Variants in PPM1L observed in about 807,000 individuals in gnomAD.
The protein encoded by PPM1L is protein phosphatase, Mg2+/Mn2+ dependent 1L, also known as protein phosphatase 1L.
PPM1L carries 13 observed loss-of-function variants against 31.4 expected under a neutral mutation model. The ratio of observed to expected loss-of-function variants is 0.41; its 90% CI spans 0.27 to 0.66. The LOEUF (loss-of-function observed/expected upper bound fraction) is 0.66, where lower values mean the gene tolerates loss of function less well. Among genes scored for constraint, PPM1L ranks in the 30% least tolerant of loss-of-function variants. The pLI is 0.29. For synonymous variants in PPM1L, 184 were observed against 175.4 expected, an observed-to-expected ratio of 1.05 and a Z score of -0.39; for missense variants, 326 against 453.7, an observed-to-expected ratio of 0.72 and a Z score of 2.56.
At chr3:161,040,886 C>T (rs919664689) in intron 2 of PPM1L, among the ~76,000 whole-genome samples, 2 of 152,130 alleles carry the variant, frequency 1.3e-5, no homozygotes, top group African/African-American at 2.4e-5. Flanking sequence ...TGTTTATTTG[C>T]CGTATCTTGA....
intron 2 of PPM1L, among the ~76,000 whole-genome samples, chr3:160,985,676 T>C (rs943031756): frequency 1.6e-4 from 24 of 152,322 alleles, no homozygotes; most frequent in Non-Finnish European, 8.8e-5. Flanking sequence ...TGGTGATTTG[T>C]TTTCCTTGAA....
At chr3:160,907,010 A>G (rs535657542) in intron 1 of PPM1L, among the ~76,000 whole-genome samples, 2 of 152,362 alleles carry the variant, frequency 1.3e-5, no homozygotes, top group East Asian at 3.9e-4. Context: ...TATTTGTTAG[A>G]GGCAAGTCAC....
chr3:160,958,013 T>C (rs953463848), intron 1 of PPM1L, among the ~76,000 whole-genome samples: 2 of 152,228 alleles, frequency 1.3e-5, no homozygotes, highest in African/African-American at 4.8e-5. Context: ...GGGTTGTCTT[T>C]TTCTTGTAAA....
chr3:160,986,928 A>G (rs1283526743), intron 2 of PPM1L, among the ~76,000 whole-genome samples: 1 of 152,232 alleles, frequency 6.6e-6, no homozygotes, highest in Non-Finnish European at 1.5e-5. Context: ...TACAGTTACT[A>G]ATAAATAGTC....
At chr3:161,064,415 TA>T (rs983382668) in intron 2 of PPM1L, among the ~76,000 whole-genome samples, 1 of 151,906 alleles carries the variant, frequency 6.6e-6, no homozygotes, top group African/African-American at 2.4e-5. Flanking sequence ...CCATGAAAAC[TA>T]AAGAGCCATT....
chr3:161,014,849 G>A (rs1718027783), intron 2 of PPM1L, among the ~76,000 whole-genome samples: 1 of 152,046 alleles, frequency 6.6e-6, no homozygotes, highest in African/African-American at 2.4e-5. Context: ...TTTTGGTTTG[G>A]GATATTTGGG....
rs1027874558 is a variant in PPM1L at position 160,756,247 on chromosome 3, C to T, written c.-62C>T. 1.3e-6 allele frequency: 2 copies of T among 1,552,234 alleles called. No individual in the cohort carries two copies. Among genetic ancestry groups the T allele is most frequent in the African/African-American group, 1.4e-5 (1 of 73,994 alleles). On this transcript the variant is annotated 5_prime_UTR_variant, in exon 1 of 4. Coordinates refer to ENST00000498165, the MANE Select transcript of PPM1L (RefSeq NM_139245.4). This position sits in a 1 kb window ranked among gnomAD's most constrained non-coding sequence, Gnocchi z 6.2. The stretch of plus-strand genomic sequence containing the variant: ...CGGCGGGCTGTCCCCGCAGTGCTCC[C>T]GGACCCGGCGAGCCTTCGGGGCGCG...
intron 2 of PPM1L, among the ~76,000 whole-genome samples, chr3:161,045,839 TG>T (rs1024968299): frequency 4.6e-5 from 7 of 151,796 alleles, no homozygotes; most frequent in African/African-American, 1.7e-4. Flanking sequence ...GGGCCAGGCG[TG>T]GTGGCTCATG....
At chr3:161,051,431 C>T (rs886921017) in intron 2 of PPM1L, among the ~76,000 whole-genome samples, 3 of 151,768 alleles carry the variant, frequency 2.0e-5, no homozygotes, top group African/African-American at 7.3e-5. Flanking sequence ...TTATTAAATA[C>T]AGGAGATAGA....
chr3:160,955,539 A>C (rs143015101), intron 1 of PPM1L, among the ~76,000 whole-genome samples: 1,820 of 152,140 alleles, frequency 0.012, 20 homozygotes, highest in Non-Finnish European at 0.018. Flanking sequence ...TTTTGTTTGC[A>C]TATTAAAATT....
chr3:160,811,341 C>A (rs573065407), intron 1 of PPM1L, among the ~76,000 whole-genome samples: 1 of 152,238 alleles, frequency 6.6e-6, no homozygotes, highest in South Asian at 2.1e-4. Flanking sequence ...CAGTCCTCAT[C>A]CATCAGAATC....
chr3:160,763,776 T>C (rs1715031265), intron 1 of PPM1L, among the ~76,000 whole-genome samples: 1 of 152,040 alleles, frequency 6.6e-6, no homozygotes, highest in Non-Finnish European at 1.5e-5. Context: ...AGAGGGTCAA[T>C]TGGGAAGCTT....
chr3:160,798,522 C>G (rs575424068), intron 1 of PPM1L, among the ~76,000 whole-genome samples: 19 of 152,252 alleles, frequency 1.2e-4, no homozygotes, highest in African/African-American at 4.6e-4. Context: ...AATGGAACAA[C>G]AAAGCTTGGA....
intron 2 of PPM1L, among the ~76,000 whole-genome samples, chr3:161,026,902 G>C (rs1219036957): frequency 6.6e-6 from 1 of 152,154 alleles, no homozygotes; most frequent in African/African-American, 2.4e-5. Context: ...TTTTAAGGTG[G>C]AGAAATAGCA....
chr3:161,037,999 C>T (rs867044648), intron 2 of PPM1L, among the ~76,000 whole-genome samples: 2 of 151,734 alleles, frequency 1.3e-5, no homozygotes, highest in African/African-American at 4.8e-5. Flanking sequence ...TTTGGGAGGC[C>T]GAGGCGGGCG....
At chr3:161,067,910 C>T (rs755655168) in intron 3 of PPM1L, among the ~76,000 whole-genome samples, 19 of 152,200 alleles carry the variant, frequency 1.2e-4, no homozygotes, top group Non-Finnish European at 2.4e-4. Flanking sequence ...ACACTGGTCT[C>T]GCCCTGAAGA....
chr3:160,843,460 A>ATATATATC (rs1713968024), intron 1 of PPM1L, among the ~76,000 whole-genome samples: 1 of 116,750 alleles, frequency 8.6e-6, no homozygotes, highest in Non-Finnish European at 1.8e-5. Flanking sequence ...ATATATATAT[A>ATATATATC]TATATATATG....
chr3:160,773,880 T>A (rs1469211105), intron 1 of PPM1L, among the ~76,000 whole-genome samples: 1 of 152,114 alleles, frequency 6.6e-6, no homozygotes, highest in Non-Finnish European at 1.5e-5. Flanking sequence ...ACACCACCTA[T>A]GTTTCTCTGC....
intron 2 of PPM1L, among the ~76,000 whole-genome samples, chr3:161,044,346 GTATTTATTTATTTATTTATT>G (rs66461506): frequency 6.3e-5 from 9 of 143,268 alleles, no homozygotes; most frequent in Non-Finnish European, 1.1e-4. Context: ...GGCCTGCCCT[GTATTTATTTATTTATTTATT>G]TATTTATTTA....
Sources: gnomAD v4.1 joint callset for allele counts (sites outside exome capture counted in the v4.1 genomes callset) on GRCh38, gnomAD v4.1.1 for gene constraint, Gnocchi (gnomAD v3.1) non-coding constraint, MANE v1.5 for transcripts, NCBI Gene and HGNC (gene_info 2026-07-23, HGNC 2026-07-21) for gene names.